The following NTRK2 variants were observed in gnomAD, a reference collection of about 807,000 sequenced individuals.
The protein encoded by NTRK2 is BDNF/NT-3 growth factors receptor.
A neutral mutation model predicts 94.5 loss-of-function variants in NTRK2; 13 were observed. The observed-to-expected ratio is 0.14, with a 90% CI of 0.09 to 0.22. The LOEUF (loss-of-function observed/expected upper bound fraction) is 0.22. Among genes scored for constraint, NTRK2 ranks in the 10% least tolerant of loss-of-function variants. The probability of loss-of-function intolerance (pLI) is 1.00; values close to 1 mark genes in which losing one functional copy is unlikely to be tolerated. For synonymous variants in NTRK2, 372 were observed against 407.4 expected, an observed-to-expected ratio of 0.91 and a Z score of 1.05; for missense variants, 639 against 1,071.2, an observed-to-expected ratio of 0.60 and a Z score of 5.63.
At chr9:84,749,180 A>G (rs1003598278) in intron 11 of NTRK2, among the ~76,000 whole-genome samples, 4 of 152,134 alleles carry the variant, frequency 2.6e-5, no homozygotes, top group Non-Finnish European at 5.9e-5. Flanking sequence ...GTGAGCCAAG[A>G]TCGCACCATT....
chr9:84,839,363 A>T (rs1029820883), intron 12 of NTRK2, among the ~76,000 whole-genome samples: 2 of 152,202 alleles, frequency 1.3e-5, no homozygotes, highest in Admixed American at 6.5e-5. Context: ...TGAATCCCTT[A>T]GTCCCTTGCA....
chr9:84,710,985 G>A (rs988266056), intron 6 of NTRK2, among the ~76,000 whole-genome samples, 194 bp downstream of exon 6: 9 of 152,178 alleles, frequency 5.9e-5, no homozygotes, highest in South Asian at 2.1e-4. Flanking sequence ...GTGGATGGCT[G>A]TAAAGTGCAT....
At chr9:84,979,033 C>G (rs1377236719) in intron 17 of NTRK2, among the ~76,000 whole-genome samples, 1 of 152,176 alleles carries the variant, frequency 6.6e-6, no homozygotes, top group Non-Finnish European at 1.5e-5. Context: ...ACCTGGTTAC[C>G]CAACAGCAAT....
At chr9:84,918,324 T>A (rs1346349988) in intron 14 of NTRK2, among the ~76,000 whole-genome samples, 1 of 152,236 alleles carries the variant, frequency 6.6e-6, no homozygotes, top group Non-Finnish European at 1.5e-5. Context: ...CCTTTGCCCC[T>A]GTCCTTTGCT....
intron 12 of NTRK2, among the ~76,000 whole-genome samples, chr9:84,804,798 A>C (rs78305006): frequency 5.1e-4 from 77 of 152,324 alleles, no homozygotes; most frequent in Non-Finnish European, 9.7e-4. Flanking sequence ...AGAAAATGTC[A>C]TTTCACTCTA....
chr9:84,835,758 G>C (rs1018720865), intron 12 of NTRK2, among the ~76,000 whole-genome samples: 49 of 152,322 alleles, frequency 3.2e-4, no homozygotes, highest in African/African-American at 1.2e-3. Context: ...GAAATCCTGT[G>C]TGTGAAAGTA....
intron 14 of NTRK2, among the ~76,000 whole-genome samples, chr9:84,870,918 G>A (rs1057379289): frequency 2.0e-5 from 3 of 152,098 alleles, no homozygotes; most frequent in South Asian, 2.1e-4. Flanking sequence ...TACGAAGATC[G>A]CTGAATTGTA....
At chr9:84,952,100 A>G (rs1441846801) in intron 16 of NTRK2, among the ~76,000 whole-genome samples, 1 of 152,230 alleles carries the variant, frequency 6.6e-6, no homozygotes, top group Non-Finnish European at 1.5e-5. Context: ...CATTTATTGA[A>G]CTTTCTAAGC....
chr9:84,924,339 G>A (rs192255422), intron 14 of NTRK2, among the ~76,000 whole-genome samples: 1 of 152,240 alleles, frequency 6.6e-6, no homozygotes, highest in Non-Finnish European at 1.5e-5. Flanking sequence ...GAGGTACAAG[G>A]GTTGAAAGCA....
intron 12 of NTRK2, among the ~76,000 whole-genome samples, chr9:84,761,430 G>A (rs1246417173): frequency 2.0e-5 from 3 of 152,124 alleles, no homozygotes; most frequent in Admixed American, 6.6e-5. Flanking sequence ...AGCCTTTCCT[G>A]CACTTGCTTC....
intron 12 of NTRK2, among the ~76,000 whole-genome samples, chr9:84,855,581 ATTTTTT>A (rs377152273): frequency 7.5e-6 from 1 of 133,706 alleles, no homozygotes; most frequent in African/African-American, 2.8e-5. Flanking sequence ...CCTCAAGCAT[ATTTTTT>A]TTTTTTTTTT....
intron 13 of NTRK2, among the ~76,000 whole-genome samples, chr9:84,862,719 G>A (rs1450174365): frequency 1.3e-5 from 2 of 152,208 alleles, no homozygotes; most frequent in Admixed American, 6.5e-5. Flanking sequence ...GCAGAGCCAC[G>A]TGGGGAAGTG....
intron 12 of NTRK2, among the ~76,000 whole-genome samples, chr9:84,847,064 G>A (rs1261935657): frequency 2.0e-5 from 3 of 152,200 alleles, no homozygotes; most frequent in Non-Finnish European, 2.9e-5. Context: ...TAAAGTATAT[G>A]TCTATTCATT....
rs571687743 is a variant in NTRK2 at position 84,676,638 on chromosome 9, T to C, written c.212+5678T>C. 2.6e-5 allele frequency among the ~76,000 whole-genome samples: 4 copies of C among 152,358 alleles called. No homozygotes were observed. In the South Asian group the frequency reaches 8.3e-4, roughly 32 times the overall value. On this transcript the variant is annotated intron_variant, in intron 2 of 18. Transcript: ENST00000277120. ...AGCATTGTGGGAACTAGAAGCTCCT[T>C]CTCCTAGCATCCAAATGAATGCTGG...
intron 14 of NTRK2, among the ~76,000 whole-genome samples, chr9:84,889,242 G>T (rs967253693): frequency 1.3e-5 from 2 of 149,792 alleles, no homozygotes; most frequent in Admixed American, 1.4e-4. Context: ...CGCCCGCCTC[G>T]GCCTCCCAAA....
intron 17 of NTRK2, among the ~76,000 whole-genome samples, chr9:85,008,372 T>C (rs926393043): frequency 3.9e-5 from 6 of 152,084 alleles, no homozygotes; most frequent in African/African-American, 1.4e-4. Context: ...GTTGCAGTTT[T>C]GCCATTATTT....
At chr9:84,785,032 C>T (rs1436076370) in intron 12 of NTRK2, among the ~76,000 whole-genome samples, 1 of 152,142 alleles carries the variant, frequency 6.6e-6, no homozygotes, top group Non-Finnish European at 1.5e-5. Context: ...AGGTTGGGAA[C>T]TACAGAGAGA....
chr9:84,790,279 A>C (rs910982923), intron 12 of NTRK2, among the ~76,000 whole-genome samples: 2 of 152,192 alleles, frequency 1.3e-5, no homozygotes, highest in Admixed American at 6.5e-5. Context: ...ATCCCCACAA[A>C]AGAGGCAAAG....
chr9:85,014,355 G>T (rs1831983547), intron 17 of NTRK2, among the ~76,000 whole-genome samples: 1 of 152,182 alleles, frequency 6.6e-6, no homozygotes, highest in African/African-American at 2.4e-5. Context: ...CCTGGAAAAC[G>T]AGTGGTGCAT....
Sources: allele counts gnomAD v4.1 joint callset (sites outside exome capture counted in the v4.1 genomes callset), GRCh38; gene constraint gnomAD v4.1.1; transcripts MANE v1.5; gene names NCBI Gene and HGNC (gene_info 2026-07-23, HGNC 2026-07-21).